RMST: variants seen among roughly 807,000 people sequenced by gnomAD.
The protein encoded by RMST is long intergenic non-protein coding RNA 54.
intron 11 of RMST, among the ~76,000 whole-genome samples, chr12:97,531,811 T>C (rs763735802): frequency 6.6e-6 from 1 of 152,002 alleles, no homozygotes; most frequent in Non-Finnish European, 1.5e-5. Context: ...CCATTACTAT[T>C]GTCTTTTGTG....
At chr12:97,564,289 A>C (rs1884370294) in exon 14 of RMST, 1 of 171,722 alleles carries the variant, frequency 5.8e-6, no homozygotes, top group Admixed American at 5.8e-5. Context: ...CCCTCTTGGA[A>C]ATGTGGTCCA....
intron 5 of RMST, among the ~76,000 whole-genome samples, chr12:97,491,426 A>G (rs1009333321): frequency 7.9e-5 from 12 of 152,192 alleles, no homozygotes; most frequent in African/African-American, 2.7e-4. Context: ...GGATGTTACT[A>G]AATCTTAACT....
intron 10 of RMST, among the ~76,000 whole-genome samples, chr12:97,501,975 T>C (rs2136480947): frequency 6.6e-6 from 1 of 152,284 alleles, no homozygotes; most frequent in South Asian, 2.1e-4. Context: ...ACTAACTCAG[T>C]ATTAGTATGA....
intron 11 of RMST, among the ~76,000 whole-genome samples, chr12:97,545,182 G>A (rs1208258253): frequency 6.6e-6 from 1 of 151,982 alleles, no homozygotes; most frequent in Non-Finnish European, 1.5e-5. Flanking sequence ...CATTATGAAG[G>A]CAACTGGTAC....
intron 10 of RMST, among the ~76,000 whole-genome samples, chr12:97,501,982 A>G (rs1397800042): frequency 6.6e-6 from 1 of 152,178 alleles, no homozygotes; most frequent in Non-Finnish European, 1.5e-5. Context: ...CAGTATTAGT[A>G]TGAGTTACGG....
At chr12:97,469,848 GT>G (rs1317050796) in intron 5 of RMST, among the ~76,000 whole-genome samples, 1 of 151,988 alleles carries the variant, frequency 6.6e-6, no homozygotes, top group Admixed American at 6.6e-5. Flanking sequence ...CTTTTATTAT[GT>G]TATTTTCTTC....
intron 11 of RMST, among the ~76,000 whole-genome samples, chr12:97,539,778 G>C (rs115177696): frequency 1.2e-4 from 18 of 151,676 alleles, no homozygotes; most frequent in African/African-American, 4.3e-4. Flanking sequence ...AATTTTATCA[G>C]ACATTTCAAT....
At chr12:97,500,807 T>C (rs778710450) in intron 10 of RMST, among the ~76,000 whole-genome samples, 20 of 152,312 alleles carry the variant, frequency 1.3e-4, no homozygotes, top group Non-Finnish European at 2.5e-4. Context: ...ACTTGCTGAG[T>C]ATCTCTAATC....
intron 11 of RMST, among the ~76,000 whole-genome samples, chr12:97,538,146 C>G (rs1176435203): frequency 6.6e-6 from 1 of 151,068 alleles, no homozygotes; most frequent in Non-Finnish European, 1.5e-5. Flanking sequence ...TCCTTTTGCA[C>G]CCCCCAAAAA....
intron 11 of RMST, among the ~76,000 whole-genome samples, chr12:97,552,968 T>C (rs1050553456): frequency 6.6e-6 from 1 of 152,208 alleles, no homozygotes; most frequent in Non-Finnish European, 1.5e-5. Context: ...GACAGGTACC[T>C]GGACAACATG....
intron 10 of RMST, among the ~76,000 whole-genome samples, chr12:97,512,741 G>A (rs949060881): frequency 1.2e-4 from 19 of 152,222 alleles, no homozygotes; most frequent in Non-Finnish European, 1.5e-4. Flanking sequence ...ATCCCGCACC[G>A]GGGCTGCAGG....
chr12:97,525,522 T>C (rs1213163276), intron 10 of RMST, among the ~76,000 whole-genome samples: 1 of 152,198 alleles, frequency 6.6e-6, no homozygotes, highest in African/African-American at 2.4e-5. Flanking sequence ...ATAACATAAA[T>C]TTATACAACC....
At chr12:97,473,286 G>T (rs1485599110) in intron 5 of RMST, among the ~76,000 whole-genome samples, 1 of 152,072 alleles carries the variant, frequency 6.6e-6, no homozygotes, top group Non-Finnish European at 1.5e-5. Flanking sequence ...TTTAAAAAAT[G>T]TAACTATGTC....
At chr12:97,551,207 A>G (rs982873730) in intron 11 of RMST, among the ~76,000 whole-genome samples, 10 of 150,556 alleles carry the variant, frequency 6.6e-5, no homozygotes, top group African/African-American at 2.4e-4. Flanking sequence ...GTTCTGTTTC[A>G]TTTTCCACTA....
chr12:97,526,337 G>A (rs1462725192), intron 10 of RMST, among the ~76,000 whole-genome samples: 1 of 151,872 alleles, frequency 6.6e-6, no homozygotes, highest in African/African-American at 2.4e-5. Context: ...TTTCATATCG[G>A]TACTCCTACT....
chr12:97,482,337 T>G (rs1361177755), intron 5 of RMST, among the ~76,000 whole-genome samples: 2 of 152,114 alleles, frequency 1.3e-5, no homozygotes, highest in African/African-American at 2.4e-5. Context: ...AAGAGAAGAG[T>G]GTGACTGTGT....
At chr12:97,518,668 A>G (rs1381039350) in intron 10 of RMST, among the ~76,000 whole-genome samples, 2 of 152,124 alleles carry the variant, frequency 1.3e-5, no homozygotes, top group Admixed American at 6.5e-5. Context: ...GTTCTCTCAG[A>G]CTGGATTCTA....
At chr12:97,481,715 T>C (rs1689568028) in intron 5 of RMST, among the ~76,000 whole-genome samples, 1 of 152,188 alleles carries the variant, frequency 6.6e-6, no homozygotes, top group Admixed American at 6.5e-5. Context: ...GTTCCATCCG[T>C]GCAAGTGTTT....
intron 5 of RMST, among the ~76,000 whole-genome samples, chr12:97,467,879 T>C (rs1162748341): frequency 6.6e-6 from 1 of 152,048 alleles, no homozygotes; most frequent in Non-Finnish European, 1.5e-5. Flanking sequence ...AAGATTTGAA[T>C]TGGCTTTGGT....
Sources: allele counts gnomAD v4.1 joint callset (sites outside exome capture counted in the v4.1 genomes callset), GRCh38; gene constraint gnomAD v4.1.1; transcripts MANE v1.5; gene names NCBI Gene and HGNC (gene_info 2026-07-23, HGNC 2026-07-21).